The following SLC25A12 variants were observed in gnomAD, a reference collection of about 807,000 sequenced individuals.
The protein encoded by SLC25A12 is solute carrier family 25 member 12.
A neutral mutation model predicts 83.3 loss-of-function variants in SLC25A12; 32 were observed. The ratio of observed to expected loss-of-function variants is 0.38; its 90% confidence interval spans 0.29 to 0.52. The LOEUF is 0.52. Ranked by LOEUF, SLC25A12 falls within the 20% of genes least tolerant of loss-of-function variation. The pLI is 0.84. For missense variants in SLC25A12, 611 were observed against 835.6 expected, an observed-to-expected ratio of 0.73 and a Z score of 3.31; for synonymous variants, 267 against 291.1, an observed-to-expected ratio of 0.92 and a Z score of 0.84.
chr2:171,887,411 C>A (rs189797823), intron 2 of SLC25A12, among the ~76,000 whole-genome samples: 1 of 152,140 alleles, frequency 6.6e-6, no homozygotes, highest in Non-Finnish European at 1.5e-5. Context: ...TAGTTGCAGT[C>A]TTAACATATA....
intron 5 of SLC25A12, among the ~76,000 whole-genome samples, chr2:171,842,366 G>A (rs913651694): frequency 3.3e-5 from 5 of 152,116 alleles, no homozygotes; most frequent in Non-Finnish European, 2.9e-5. Flanking sequence ...GCTGAGGTGG[G>A]TGGATCACCT....
intron 13 of SLC25A12, among the ~76,000 whole-genome samples, chr2:171,808,211 A>G (rs756319361): frequency 2.6e-5 from 4 of 152,154 alleles, no homozygotes; most frequent in Non-Finnish European, 4.4e-5. Context: ...TCATGCTTAC[A>G]CTTTAAAGAC....
chr2:171,841,349 G>C (rs1276284487), intron 5 of SLC25A12, among the ~76,000 whole-genome samples: 2 of 151,970 alleles, frequency 1.3e-5, no homozygotes, highest in Non-Finnish European at 2.9e-5. Flanking sequence ...CAAAGTGCTG[G>C]GATTACAGGC....
At chr2:171,793,516 C>T in intron 14 of SLC25A12, 111 bp downstream of exon 14, 2 of 1,104,972 alleles carry the variant, frequency 1.8e-6, no homozygotes, top group Admixed American at 3.5e-5. Flanking sequence ...TGATTTTCTG[C>T]TCCACAGACT....
At chr2:171,793,860 C>T in intron 13 of SLC25A12, 93 bp from the exon 14 acceptor site, 1 of 1,447,538 alleles carries the variant, frequency 6.9e-7, no homozygotes. Flanking sequence ...CCACATCTTG[C>T]TATCTTGAAA....
At position 171,793,660 on chromosome 2, in the gene SLC25A12, C is replaced by G; in HGVS notation, c.1413G>C (p.Val471=). ...GACCAAAAATTCCCAAGTCCCGGAG[C>G]ACATTCAGGGCGCTGACTCTGGGTC... is the stretch of plus-strand genomic sequence containing the variant. ...TTGPRVSALN[V]LRDLGIFGLY... The change falls in exon 14 of 18, where the codon GTG becomes GTC. Residue 471 remains valine (V), a synonymous_variant. Transcript: ENST00000422440. The G allele has an allele frequency of 6.2e-7, 1 of 1,614,142 alleles. No homozygotes were observed.
At chr2:171,865,034 T>C (rs1259483762) in intron 3 of SLC25A12, among the ~76,000 whole-genome samples, 1 of 152,218 alleles carries the variant, frequency 6.6e-6, no homozygotes, top group Non-Finnish European at 1.5e-5. Context: ...CCCTAATTTA[T>C]TTTTCATCAT....
At chr2:171,796,800 A>T (rs1310630460) in intron 13 of SLC25A12, among the ~76,000 whole-genome samples, 1 of 152,238 alleles carries the variant, frequency 6.6e-6, no homozygotes, top group Non-Finnish European at 1.5e-5. Context: ...AATTTGTCTA[A>T]AACTCTGGAT....
At position 171,805,067 on chromosome 2, in the gene SLC25A12, C is replaced by T. The variant is rs117605100; in HGVS notation, c.1305+4539G>A. On this transcript the variant is annotated intron_variant, in intron 13 of 17. Transcript: ENST00000422440. ...GTTGTATGGTACGTTAAGTATATCTCAATAAAGCTGTTATTTTTTCTGTTT... is the reference window on the plus strand; with the variant it reads ...GTTGTATGGTACGTTAAGTATATCTTAATAAAGCTGTTATTTTTTCTGTTT... 4.0e-3 allele frequency among the ~76,000 whole-genome samples: 606 copies of T among 151,844 alleles called. 6 individuals are homozygous for T. The highest frequency in any genetic ancestry group is 0.031 in the East Asian group (160 of 5,172).
rs1379649913 is a variant in SLC25A12, at chr2:171,866,848, C to T, written c.209+1833G>A. ...CCTCCCTCCCGGACGGGGTGGCTGC[C>T]GGGCGGAGACGCTCCTCACTTCCCA... On this transcript the variant is annotated intron_variant, in intron 3 of 17. Coordinates refer to ENST00000422440, the MANE Select transcript of SLC25A12 (RefSeq NM_003705.5). Among the ~76,000 whole-genome samples the T allele has an allele frequency of 4.0e-5, 6 of 149,878 alleles. No homozygotes were observed. The South Asian group carries it at 6.4e-4, about 16-fold the overall frequency.
intron 3 of SLC25A12, among the ~76,000 whole-genome samples, chr2:171,864,985 T>TA (rs1398952132): frequency 6.6e-6 from 1 of 152,226 alleles, no homozygotes; most frequent in African/African-American, 2.4e-5. Context: ...GCCAAATAAA[T>TA]AGAGAAATAA....
chr2:171,810,896 G>A (rs1286213937), intron 11 of SLC25A12, among the ~76,000 whole-genome samples: 1 of 152,124 alleles, frequency 6.6e-6, no homozygotes, highest in Non-Finnish European at 1.5e-5. Context: ...TATGCCTGTT[G>A]TATTCTTATT....
intron 8 of SLC25A12, among the ~76,000 whole-genome samples, chr2:171,831,384 A>C (rs1684427837): frequency 6.6e-6 from 1 of 152,222 alleles, no homozygotes; most frequent in South Asian, 2.1e-4. Context: ...GGCATCAGAA[A>C]TTACTTTAGT....
intron 2 of SLC25A12, among the ~76,000 whole-genome samples, chr2:171,876,702 G>C (rs1217667058): frequency 1.3e-5 from 2 of 152,060 alleles, no homozygotes; most frequent in Non-Finnish European, 2.9e-5. Flanking sequence ...TACACACTTA[G>C]TATAGCAAGC....
At chr2:171,804,057 C>T (rs1308988699) in intron 13 of SLC25A12, among the ~76,000 whole-genome samples, 3 of 152,022 alleles carry the variant, frequency 2.0e-5, no homozygotes, top group African/African-American at 4.8e-5. Flanking sequence ...CAGCATTATT[C>T]ATAAGTCAAA....
At chr2:171,843,838 A>C (rs1573976560) in intron 5 of SLC25A12, among the ~76,000 whole-genome samples, 1 of 124,210 alleles carries the variant, frequency 8.1e-6, no homozygotes, top group Admixed American at 9.7e-5. Context: ...CTCTGTCGCC[A>C]AGGCTGGAGT....
Position 171,785,106 on chromosome 2 carries a change from T to A in SLC25A12, c.*168A>T, listed in dbSNP as rs1690462391. The A allele has an allele frequency of 1.5e-6, 1 of 666,904 alleles. No homozygotes were observed. Among genetic ancestry groups the A allele is most frequent in the Non-Finnish European group, 2.6e-6 (1 of 380,956 alleles). 41.3% of individuals were successfully genotyped at this position (666,904 alleles called of 1,614,324 possible). ...TGAAACAGCGTTGTGGTTTTTTCCC[T>A]GGGCAAATGATTATTTTATAAACAA... On this transcript the variant is annotated 3_prime_UTR_variant, in exon 18 of 18. Transcript: ENST00000422440.
intron 6 of SLC25A12, among the ~76,000 whole-genome samples, chr2:171,835,903 A>T (rs1684545767): frequency 6.6e-6 from 1 of 152,010 alleles, no homozygotes; most frequent in Admixed American, 6.6e-5. Flanking sequence ...TACTCCTCTG[A>T]GGATTAGAAT....
At chr2:171,824,281 T>A (rs1196140421) in intron 9 of SLC25A12, among the ~76,000 whole-genome samples, 1 of 152,126 alleles carries the variant, frequency 6.6e-6, no homozygotes, top group African/African-American at 2.4e-5. Context: ...CAAAATTACA[T>A]CACTTTCCTA....
Sources: allele counts gnomAD v4.1 joint callset (sites outside exome capture counted in the v4.1 genomes callset), GRCh38; gene constraint gnomAD v4.1.1; transcripts MANE v1.5; gene names NCBI Gene and HGNC (gene_info 2026-07-23, HGNC 2026-07-21).